The following DZIP3 variants were observed in gnomAD, a reference collection of about 807,000 sequenced individuals.
DZIP3 encodes DAZ interacting zinc finger protein 3.
In DZIP3, 118 loss-of-function variants were observed where a neutral mutation model predicts 162.0. That is an observed-to-expected ratio of 0.73 (90% CI 0.63 to 0.85). The LOEUF (loss-of-function observed/expected upper bound fraction) is 0.85, where lower values mean the gene tolerates loss of function less well. Among genes scored for constraint, DZIP3 ranks in the 40% least tolerant of loss-of-function variants. DZIP3 has a pLI of 0.00. For synonymous variants in DZIP3, 438 were observed against 458.6 expected, an observed-to-expected ratio of 0.96 and a Z score of 0.57; for missense variants, 1,331 against 1,407.0, an observed-to-expected ratio of 0.95 and a Z score of 0.86.
chr3:108,662,281 G>C, intron 21 of DZIP3, 24 bp downstream of exon 21: 2 of 1,568,352 alleles, frequency 1.3e-6, no homozygotes, highest in Non-Finnish European at 8.6e-7. Context: ...TTTTGATAAA[G>C]GGAAATTCTG....
At chr3:108,648,807 C>A in intron 16 of DZIP3, 111 bp from the exon 17 acceptor site, 34 of 483,160 alleles carry the variant, frequency 7.0e-5, no homozygotes, top group South Asian at 3.0e-4. Context: ...AAAGAAATAC[C>A]TATAATATTA....
At chr3:108,627,574 T>C (rs1296170470) in intron 7 of DZIP3, among the ~76,000 whole-genome samples, 1 of 152,220 alleles carries the variant, frequency 6.6e-6, no homozygotes, top group African/African-American at 2.4e-5. Context: ...CATTATTGTG[T>C]CCAAGTTTCA....
intron 12 of DZIP3, among the ~76,000 whole-genome samples, chr3:108,639,399 G>C (rs1278629472): frequency 2.0e-5 from 3 of 152,128 alleles, no homozygotes; most frequent in African/African-American, 7.2e-5. Context: ...TATGAACTTT[G>C]AACACTTTCT....
chr3:108,611,106 G>A, intron 3 of DZIP3, 68 bp from the exon 4 acceptor site: 1 of 1,422,988 alleles, frequency 7.0e-7, no homozygotes, highest in Non-Finnish European at 9.4e-7. Flanking sequence ...TGCTTTGGCT[G>A]ATCTTAGAAT....
intron 26 of DZIP3, among the ~76,000 whole-genome samples, chr3:108,681,804 A>G (rs1164158407): frequency 6.8e-6 from 1 of 146,006 alleles, no homozygotes; most frequent in Admixed American, 6.7e-5. Context: ...GTTAGAAGTC[A>G]CCACTCTCAG....
intron 14 of DZIP3, among the ~76,000 whole-genome samples, chr3:108,645,209 T>G (rs1476332952): frequency 6.6e-6 from 1 of 152,156 alleles, no homozygotes; most frequent in Non-Finnish European, 1.5e-5. Context: ...GGAGTCTGCA[T>G]TTTTCAGAAA....
At chr3:108,677,381 A>T (rs1313058510) in intron 25 of DZIP3, 116 bp from the exon 26 acceptor site, 5 of 672,598 alleles carry the variant, frequency 7.4e-6, no homozygotes, top group Non-Finnish European at 1.2e-5. Context: ...ATTATTTCTG[A>T]CAGGTTGGCA....
Position 108,634,873 on chromosome 3 carries a change from AT to A in DZIP3, c.825del (p.Gln276SerfsTer2), listed in dbSNP as rs901358284. On this transcript the variant is annotated frameshift_variant, in exon 10 of 33. Transcript: ENST00000361582. LOFTEE classifies it high-confidence loss of function. The stretch of plus-strand genomic sequence containing the variant: ...AACTTACTTTTATTTTTTTCCAGGG[AT>A]TTTTTCAGTTAATGTGCAGTAAAAG... ...DILKNTSYKG[F>X]FQLMCSKSCC... The A allele has an allele frequency of 1.3e-6, 2 of 1,596,176 alleles. No homozygotes were observed. Among genetic ancestry groups the A allele is most frequent in the South Asian group, 1.1e-5 (1 of 88,254 alleles).
chr3:108,642,673 TCA>T (rs1942454817), intron 13 of DZIP3, among the ~76,000 whole-genome samples, 159 bp downstream of exon 13: 2 of 152,158 alleles, frequency 1.3e-5, no homozygotes, highest in African/African-American at 4.8e-5. Flanking sequence ...AGGCTGGAAA[TCA>T]CAGACAGGAA....
At chr3:108,691,656 G>A (rs1944700170) in intron 32 of DZIP3, among the ~76,000 whole-genome samples, 1 of 152,112 alleles carries the variant, frequency 6.6e-6, no homozygotes, top group African/African-American at 2.4e-5. Context: ...ACTTGTTTCT[G>A]GGAAGAAGTG....
intron 7 of DZIP3, 90 bp from the exon 8 acceptor site, chr3:108,628,972 C>T: frequency 1.3e-6 from 1 of 751,098 alleles, no homozygotes; most frequent in Non-Finnish European, 2.1e-6. Context: ...CCCTATTTAC[C>T]ACAAAAAAAG....
At chr3:108,592,879 C>T (rs956826339) in intron 1 of DZIP3, among the ~76,000 whole-genome samples, 1 of 151,902 alleles carries the variant, frequency 6.6e-6, no homozygotes, top group Non-Finnish European at 1.5e-5. Context: ...AAATAATTAC[C>T]TCACCCCTTC....
chr3:108,620,809 TTTTTG>T (rs771436801), intron 5 of DZIP3, among the ~76,000 whole-genome samples: 1 of 151,988 alleles, frequency 6.6e-6, no homozygotes, highest in Non-Finnish European at 1.5e-5. Context: ...AAGATCATTG[TTTTTG>T]TTTTGTTTTG....
intron 1 of DZIP3, among the ~76,000 whole-genome samples, chr3:108,593,173 C>T (rs1205829634): frequency 3.3e-5 from 5 of 151,916 alleles, no homozygotes; most frequent in African/African-American, 1.2e-4. Context: ...CCTTTTTGTT[C>T]TTGGGATAAT....
intron 10 of DZIP3, chr3:108,635,478 A>C (rs1005191855): frequency 1.8e-5 from 3 of 165,452 alleles, no homozygotes; most frequent in Non-Finnish European, 2.5e-5. Flanking sequence ...TATCATATGT[A>C]GTTATAGATA....
At chr3:108,629,197 A>G in intron 8 of DZIP3, 21 bp downstream of exon 8, 2 of 1,449,182 alleles carry the variant, frequency 1.4e-6, no homozygotes, top group Non-Finnish European at 1.9e-6. Context: ...ATTTAAGAGT[A>G]ACATTTTATT....
chr3:108,617,332 A>T (rs1057379556), intron 5 of DZIP3, among the ~76,000 whole-genome samples: 8 of 152,202 alleles, frequency 5.3e-5, no homozygotes, highest in African/African-American at 1.9e-4. Flanking sequence ...GTCATTTCAC[A>T]ATGTATACAT....
chr3:108,628,561 A>G (rs1402327831), intron 7 of DZIP3, among the ~76,000 whole-genome samples: 1 of 152,132 alleles, frequency 6.6e-6, no homozygotes, highest in African/African-American at 2.4e-5. Context: ...TCTAGTTTTC[A>G]GTGTCCTGAG....
At chr3:108,627,758 A>G (rs1011088192) in intron 7 of DZIP3, among the ~76,000 whole-genome samples, 1 of 152,148 alleles carries the variant, frequency 6.6e-6, no homozygotes, top group Admixed American at 6.5e-5. Context: ...CTGCCAGTAC[A>G]TTCTAGTAGG....
Sources: allele counts gnomAD v4.1 joint callset (sites outside exome capture counted in the v4.1 genomes callset), GRCh38; gene constraint gnomAD v4.1.1; transcripts MANE v1.5; gene names NCBI Gene and HGNC (gene_info 2026-07-23, HGNC 2026-07-21).